Variants in PCDHA12 observed in about 807,000 individuals in gnomAD.
PCDHA12 encodes the protein protocadherin alpha 12.
Under a neutral mutation model 60.0 loss-of-function variants are expected in PCDHA12, and 44 were observed. The ratio of observed to expected loss-of-function variants is 0.73; its 90% confidence interval spans 0.58 to 0.94. PCDHA12 has a LOEUF of 0.94. PCDHA12 is among the 40% of genes least tolerant of loss of function. The probability of loss-of-function intolerance (pLI) is 0.00; values close to 1 mark genes in which losing one functional copy is unlikely to be tolerated. For synonymous variants in PCDHA12, 569 were observed against 553.0 expected, an observed-to-expected ratio of 1.03 and a Z score of -0.40; for missense variants, 1,276 against 1,239.7, an observed-to-expected ratio of 1.03 and a Z score of -0.44.
intron 1 of PCDHA12, chr5:140,884,155 C>G: frequency 6.2e-7 from 1 of 1,613,430 alleles, no homozygotes; most frequent in Non-Finnish European, 8.5e-7. Context: ...TGTACACTGG[C>G]GAGATCAGCA....
intron 1 of PCDHA12, among the ~76,000 whole-genome samples, chr5:140,961,280 CT>C (rs2153727915): frequency 6.6e-6 from 1 of 152,104 alleles, no homozygotes; most frequent in Admixed American, 6.5e-5. Flanking sequence ...TACCATGGCT[CT>C]GTTTCTTGAG....
chr5:140,892,573 A>G (rs1299586046), intron 1 of PCDHA12, among the ~76,000 whole-genome samples: 1 of 152,210 alleles, frequency 6.6e-6, no homozygotes, highest in Non-Finnish European at 1.5e-5. Context: ...TGTCAAAAGT[A>G]TATCTCAGTA....
intron 2 of PCDHA12, among the ~76,000 whole-genome samples, chr5:140,979,661 GTCTC>G (rs2096859733): frequency 6.6e-6 from 1 of 152,146 alleles, no homozygotes; most frequent in South Asian, 2.1e-4. Context: ...TCTCTACTTT[GTCTC>G]TCTGACAGTA....
At chr5:140,965,639 C>G (rs781995485) in intron 1 of PCDHA12, among the ~76,000 whole-genome samples, 1 of 152,000 alleles carries the variant, frequency 6.6e-6, no homozygotes, top group Non-Finnish European at 1.5e-5. Flanking sequence ...TTTTAAATTA[C>G]TCTTGAAAGA....
At chr5:140,969,760 C>T (rs1166018588) in intron 1 of PCDHA12, among the ~76,000 whole-genome samples, 1 of 152,194 alleles carries the variant, frequency 6.6e-6, no homozygotes, top group Non-Finnish European at 1.5e-5. Flanking sequence ...TTAAAAAGCT[C>T]TGAGGCCTCT....
chr5:140,985,163 T>G (rs1045171380), intron 3 of PCDHA12, among the ~76,000 whole-genome samples: 7 of 152,096 alleles, frequency 4.6e-5, no homozygotes, highest in South Asian at 2.1e-4. Flanking sequence ...TGTCTCAATC[T>G]CCTGACCTCG....
At chr5:140,927,033 G>T in intron 1 of PCDHA12, 1 of 1,612,344 alleles carries the variant, frequency 6.2e-7, no homozygotes, top group Non-Finnish European at 8.5e-7. Context: ...GGCTGCCAGC[G>T]GCCGCTATGT....
At chr5:140,899,405 T>G (rs1369333627) in intron 1 of PCDHA12, among the ~76,000 whole-genome samples, 3 of 152,204 alleles carry the variant, frequency 2.0e-5, no homozygotes, top group Non-Finnish European at 4.4e-5. Flanking sequence ...CATGAAGGGT[T>G]GTTGAATTTT....
intron 1 of PCDHA12, among the ~76,000 whole-genome samples, chr5:140,947,506 A>C (rs1034178009): frequency 6.6e-6 from 1 of 151,700 alleles, no homozygotes; most frequent in Non-Finnish European, 1.5e-5. Flanking sequence ...TTAAATTTTC[A>C]TATAAATTTT....
At chr5:140,927,981 T>C (rs2084836319) in intron 1 of PCDHA12, 2 of 1,614,206 alleles carry the variant, frequency 1.2e-6, no homozygotes, top group Non-Finnish European at 1.7e-6. Flanking sequence ...CTCTCTTTAG[T>C]GTAAAGGATG....
chr5:140,986,285 A>AGACT (rs1311762694), intron 3 of PCDHA12, among the ~76,000 whole-genome samples: 3 of 152,134 alleles, frequency 2.0e-5, no homozygotes, highest in Admixed American at 2.0e-4. Flanking sequence ...GCTTCCCTTG[A>AGACT]GACTGAGCAG....
chr5:141,009,060 G>C (rs1192687086), intron 3 of PCDHA12, among the ~76,000 whole-genome samples: 4 of 152,176 alleles, frequency 2.6e-5, no homozygotes, highest in Non-Finnish European at 5.9e-5. Context: ...AATCACAACT[G>C]TATTCTTTAG....
At chr5:140,992,038 TG>T (rs2097488764) in intron 3 of PCDHA12, among the ~76,000 whole-genome samples, 1 of 151,828 alleles carries the variant, frequency 6.6e-6, no homozygotes, top group African/African-American at 2.4e-5. Context: ...TGTGTGTGTG[TG>T]TGTGTGTGTG....
At chr5:140,989,174 G>T (rs1305141291) in intron 3 of PCDHA12, among the ~76,000 whole-genome samples, 3 of 152,132 alleles carry the variant, frequency 2.0e-5, no homozygotes, top group Non-Finnish European at 4.4e-5. Flanking sequence ...TAAAACAGGA[G>T]AGTTTCTGAA....
chr5:140,883,642 C>G (rs200197885), intron 1 of PCDHA12: 55 of 1,613,904 alleles, frequency 3.4e-5, no homozygotes, highest in East Asian at 2.0e-4. Flanking sequence ...TCGCGCAGCC[C>G]GAGTACACGG....
At chr5:140,900,270 T>C (rs1203586696) in intron 1 of PCDHA12, among the ~76,000 whole-genome samples, 1 of 152,082 alleles carries the variant, frequency 6.6e-6, no homozygotes, top group Non-Finnish European at 1.5e-5. Flanking sequence ...ATTGTGTATA[T>C]GTACCACACT....
Position 140,945,638 on chromosome 5 carries a change from A to G in PCDHA12, c.2368-33311A>G, listed in dbSNP as rs187448798. ...CATGGTACTGGCATAAAAGACATGTAGACCAATGGAGCAGAATACAGCTCC... is the reference window on the plus strand; with the variant it reads ...CATGGTACTGGCATAAAAGACATGTGGACCAATGGAGCAGAATACAGCTCC... On this transcript the variant is annotated intron_variant, in intron 1 of 3. Transcript: ENST00000398631. 2.6e-5 allele frequency among the ~76,000 whole-genome samples: 4 copies of G among 152,300 alleles called. No homozygotes were observed. The East Asian group carries it at 5.8e-4, about 22-fold the overall frequency.
intron 1 of PCDHA12, among the ~76,000 whole-genome samples, chr5:140,898,608 T>G (rs1208473607): frequency 7.2e-5 from 11 of 152,362 alleles, no homozygotes; most frequent in African/African-American, 2.6e-4. Flanking sequence ...TAGTATAGTT[T>G]GAAGTCAGGT....
At chr5:140,907,377 C>T (rs2073348359) in intron 1 of PCDHA12, among the ~76,000 whole-genome samples, 1 of 152,124 alleles carries the variant, frequency 6.6e-6, no homozygotes, top group Non-Finnish European at 1.5e-5. Context: ...AAAGTGAGTG[C>T]CTTGGTCAAA....
Sources: allele counts gnomAD v4.1 joint callset (sites outside exome capture counted in the v4.1 genomes callset), GRCh38; gene constraint gnomAD v4.1.1; transcripts MANE v1.5; gene names NCBI Gene and HGNC (gene_info 2026-07-23, HGNC 2026-07-21).